YTHDF2: variants seen among roughly 807,000 people sequenced by gnomAD.
YTHDF2 encodes YTH N6-methyladenosine RNA binding protein F2.
Under a neutral mutation model 50.4 loss-of-function variants are expected in YTHDF2, and 2 were observed. The observed-to-expected ratio is 0.04, with a 90% confidence interval of 0.02 to 0.12. The LOEUF is 0.12. Ranked by LOEUF, YTHDF2 falls within the 10% of genes least tolerant of loss-of-function variation. The pLI is 1.00. For synonymous variants in YTHDF2, 217 were observed against 255.6 expected (o/e 0.85, Z 1.44); for missense variants, 483 against 722.6 (o/e 0.67, Z 3.80).
At chr1:28,763,944 ATTTAT>A (rs1440115096) in intron 4 of YTHDF2, among the ~76,000 whole-genome samples, 1 of 133,662 alleles carries the variant, frequency 7.5e-6, no homozygotes, top group Non-Finnish European at 1.6e-5. Flanking sequence ...TATTTTTTAA[ATTTAT>A]TTATTTTATT....
intron 4 of YTHDF2, among the ~76,000 whole-genome samples, chr1:28,761,848 T>C (rs965939046): frequency 6.6e-6 from 1 of 152,150 alleles, no homozygotes; most frequent in East Asian, 1.9e-4. Flanking sequence ...AAAATAGATA[T>C]TTTTAATAAA....
At chr1:28,766,195 C>T (rs990771626) in intron 4 of YTHDF2, among the ~76,000 whole-genome samples, 1 of 152,172 alleles carries the variant, frequency 6.6e-6, no homozygotes, top group Non-Finnish European at 1.5e-5. Context: ...GCCTTCATCT[C>T]CCCGGGCTTA....
intron 4 of YTHDF2, among the ~76,000 whole-genome samples, chr1:28,756,463 C>CT (rs909127188): frequency 1.3e-5 from 2 of 152,090 alleles, no homozygotes; most frequent in Non-Finnish European, 2.9e-5. Flanking sequence ...CATTGGAATT[C>CT]TTTTTTTCCC....
chr1:28,744,147 C>T (rs34929894), intron 4 of YTHDF2, among the ~76,000 whole-genome samples, 161 bp downstream of exon 4: 8,221 of 152,124 alleles, frequency 0.054, 324 homozygotes, highest in Non-Finnish European at 0.084. Context: ...AATACTTGAA[C>T]CCTAATGTGA....
chr1:28,737,332 C>T (rs1055494778), intron 1 of YTHDF2, 185 bp downstream of exon 1: 12 of 772,746 alleles, frequency 1.6e-5, no homozygotes, highest in Non-Finnish European at 2.3e-5. Flanking sequence ...CCCGCTTCTC[C>T]TCGGGCCTCG....
At chr1:28,742,167 A>G (rs1199558610) in intron 3 of YTHDF2, among the ~76,000 whole-genome samples, 1 of 151,270 alleles carries the variant, frequency 6.6e-6, no homozygotes, top group African/African-American at 2.4e-5. Flanking sequence ...CTCCTGCCTC[A>G]GGCCTCCCAA....
intron 3 of YTHDF2, among the ~76,000 whole-genome samples, chr1:28,739,500 A>G (rs1421940100): frequency 5.3e-5 from 8 of 150,588 alleles, no homozygotes; most frequent in South Asian, 2.1e-4. Context: ...GGGTTTCACT[A>G]TGTTGCCCAA....
chr1:28,750,094 G>A (rs2087928195), intron 4 of YTHDF2, among the ~76,000 whole-genome samples: 2 of 144,384 alleles, frequency 1.4e-5, no homozygotes, highest in African/African-American at 2.6e-5. Context: ...AGGTTCAAGC[G>A]ATTCTCCTGC....
intron 4 of YTHDF2, among the ~76,000 whole-genome samples, chr1:28,759,298 A>G (rs2124198422): frequency 6.6e-6 from 1 of 152,330 alleles, no homozygotes; most frequent in Admixed American, 6.5e-5. Context: ...AGTTGGTTTC[A>G]TATCTGCCGC....
At chr1:28,737,891 G>C in intron 2 of YTHDF2, 1 of 617,728 alleles carries the variant, frequency 1.6e-6, no homozygotes, top group Non-Finnish European at 2.8e-6. Flanking sequence ...TTAAGGGTGG[G>C]GGTGGATTGG....
intron 4 of YTHDF2, among the ~76,000 whole-genome samples, chr1:28,747,553 C>CTTTTT (rs543795451): frequency 7.6e-6 from 1 of 132,006 alleles, no homozygotes; most frequent in Admixed American, 7.6e-5. Flanking sequence ...TCCATAAAGA[C>CTTTTT]TTTTTTTTTT....
Sources: allele counts gnomAD v4.1 joint callset (sites outside exome capture counted in the v4.1 genomes callset), GRCh38; gene constraint gnomAD v4.1.1; transcripts MANE v1.5; gene names NCBI Gene and HGNC (gene_info 2026-07-23, HGNC 2026-07-21).